The following TAB2 variants were observed in gnomAD, a reference collection of about 807,000 sequenced individuals.
TAB2 encodes TGF-beta-activated kinase 1 and MAP3K7-binding protein 2.
In TAB2, 3 loss-of-function variants were observed where a neutral mutation model predicts 65.0. The ratio of observed to expected loss-of-function variants is 0.05; its 90% CI spans 0.02 to 0.12. TAB2 has a LOEUF of 0.12. TAB2 is among the 10% of genes least tolerant of loss of function. The pLI is 1.00. For missense variants in TAB2, 623 were observed against 840.3 expected (o/e 0.74, Z 3.20); for synonymous variants, 298 against 285.1 (o/e 1.05, Z -0.46).
chr6:149,374,449 C>T (rs1346858458), intron 2 of TAB2, among the ~76,000 whole-genome samples: 1 of 152,118 alleles, frequency 6.6e-6, no homozygotes, highest in Non-Finnish European at 1.5e-5. Context: ...TGTCAAACTC[C>T]TGGGCCCAGC....
At chr6:149,235,654 G>A (rs9390661) in intron 1 of TAB2, among the ~76,000 whole-genome samples, 45 of 152,218 alleles carry the variant, frequency 3.0e-4, no homozygotes, top group African/African-American at 1.0e-3. Context: ...AGAAAGCCTT[G>A]ATATCAGGAA....
chr6:149,368,266 A>G (rs1781103460), intron 1 of TAB2, among the ~76,000 whole-genome samples: 1 of 152,196 alleles, frequency 6.6e-6, no homozygotes, highest in African/African-American at 2.4e-5. Context: ...GTCCTGAGCT[A>G]CAGAGAGATC....
chr6:149,389,812 A>AT (rs1422667902), intron 3 of TAB2, among the ~76,000 whole-genome samples: 1 of 152,204 alleles, frequency 6.6e-6, no homozygotes, highest in Non-Finnish European at 1.5e-5. Context: ...ATGCTGTAAG[A>AT]TTACATGCAG....
At chr6:149,252,330 C>T (rs1271329585) in intron 1 of TAB2, among the ~76,000 whole-genome samples, 2 of 149,868 alleles carry the variant, frequency 1.3e-5, no homozygotes, top group Non-Finnish European at 3.0e-5. Flanking sequence ...CTCTTGAACC[C>T]GGGAGGCTGC....
chr6:149,219,827 A>G (rs1777101427), intron 1 of TAB2, among the ~76,000 whole-genome samples: 1 of 152,198 alleles, frequency 6.6e-6, no homozygotes, highest in African/African-American at 2.4e-5. Context: ...AGAGACCCTT[A>G]CCGTACTCTG....
rs1000979178 is a variant in TAB2 at position 149,369,933 on chromosome 6, G to A, written c.-65G>A. 3 of 1,353,710 alleles carry A rather than the reference G, an allele frequency of 2.2e-6. No homozygotes were observed. Among genetic ancestry groups the A allele is most frequent in the African/African-American group, 2.9e-5 (2 of 69,756 alleles). The allele number at this position is 1,353,710 out of a possible 1,614,324, so 83.9% of individuals were successfully genotyped here. A position where few individuals can be genotyped will look rare whatever the true frequency, so the allele number is the denominator to read the frequency against. ...GAAAATGCTTGGACAGAAGAGATGA[G>A]TACTATTTCCACTAAGGCCTAGAAT... On this transcript the variant is annotated 5_prime_UTR_variant, in exon 2 of 7. Transcript: ENST00000637181.
At chr6:149,408,692 C>T (rs1408542566) in intron 6 of TAB2, among the ~76,000 whole-genome samples, 1 of 152,124 alleles carries the variant, frequency 6.6e-6, no homozygotes, top group African/African-American at 2.4e-5. Flanking sequence ...GTTCTAATTT[C>T]ATTATGGGAC....
rs576469603 is a variant in TAB2, at chr6:149,264,821, T to C, written c.-121+46045T>C. On this transcript the variant is annotated intron_variant, in intron 1 of 1. Transcript: ENST00000606202. ...AAGCCACAGCGGAAAACAGCAAAGA[T>C]CAAAGGGAGCAGATGAAGTACCGGC... Among the ~76,000 whole-genome samples, 71 of 152,246 alleles carry C rather than the reference T, an allele frequency of 4.7e-4. No homozygotes were observed. In the South Asian group the frequency reaches 0.015, roughly 32 times the overall value.
At chr6:149,364,606 C>T (rs1169592683) in intron 1 of TAB2, among the ~76,000 whole-genome samples, 1 of 151,438 alleles carries the variant, frequency 6.6e-6, no homozygotes, top group Admixed American at 6.6e-5. Context: ...AATACTTGTA[C>T]TATCTCCAGC....
rs1446287327 is a variant in TAB2, at chr6:149,378,006, T to C, written c.103-12T>C. 9 of 1,609,770 alleles carry C rather than the reference T, an allele frequency of 5.6e-6. No individual in the cohort carries two copies. Among genetic ancestry groups the C allele is most frequent in the Non-Finnish European group, 7.6e-6 (9 of 1,176,678 alleles). On this transcript the variant is annotated splice_polypyrimidine_tract_variant and intron_variant, in intron 2 of 6. Coordinates refer to ENST00000637181, the MANE Select transcript of TAB2 (RefSeq NM_001292034.3). ...GATTGTTAACATCAATCAATTTATT[T>C]TGTTTTCATAGAATAATAATAACCT...
chr6:149,301,630 A>G (rs748376035), intron 1 of TAB2, among the ~76,000 whole-genome samples: 1 of 152,166 alleles, frequency 6.6e-6, no homozygotes, highest in Non-Finnish European at 1.5e-5. Context: ...TGTTTGTTTC[A>G]TTTATGTAAA....
At chr6:149,381,606 C>T (rs935150064) in intron 3 of TAB2, among the ~76,000 whole-genome samples, 5 of 136,394 alleles carry the variant, frequency 3.7e-5, no homozygotes, top group Non-Finnish European at 7.7e-5. Flanking sequence ...CAGGGTCTCG[C>T]TCTTTCGTCC....
At chr6:149,225,017 A>G (rs1028919306) in intron 1 of TAB2, among the ~76,000 whole-genome samples, 1 of 152,206 alleles carries the variant, frequency 6.6e-6, no homozygotes, top group Non-Finnish European at 1.5e-5. Context: ...AAAATTTCTT[A>G]TAATACTTTT....
At chr6:149,381,264 A>G (rs974547091) in intron 3 of TAB2, among the ~76,000 whole-genome samples, 1 of 152,128 alleles carries the variant, frequency 6.6e-6, no homozygotes, top group Non-Finnish European at 1.5e-5. Context: ...AACTACAACC[A>G]TTTTTGTTTA....
In TAB2 at chr6:149,397,831, AAT is replaced by A. The variant is rs559432249; in HGVS notation, c.1764+70_1764+71del. 1.7e-5 allele frequency: 27 copies of A among 1,592,958 alleles called. No individual in the cohort carries two copies. In the African/African-American group the frequency reaches 3.6e-4, roughly 21 times the overall value. Reference sequence around the variant, plus strand: ...AGAGTAGGCCATCTAACATAAGTGTAATATCTCTATCTAGTTTTCTTCAGATG... The same window carrying A: ...AGAGTAGGCCATCTAACATAAGTGTAATCTCTATCTAGTTTTCTTCAGATG... On this transcript the variant is annotated intron_variant, in intron 4 of 6. Coordinates refer to ENST00000637181, the MANE Select transcript of TAB2 (RefSeq NM_001292034.3).
intron 1 of TAB2, among the ~76,000 whole-genome samples, chr6:149,253,924 A>AAGAAAGAAAGAAAGAAAG (rs1300156204): frequency 4.4e-4 from 59 of 135,062 alleles, no homozygotes; most frequent in African/African-American, 1.3e-3. Flanking sequence ...TCCATCTCGA[A>AAGAAAGAAAGAAAGAAAG]AGAAAGAAAG....
At chr6:149,224,835 C>T (rs924137015) in intron 1 of TAB2, among the ~76,000 whole-genome samples, 1 of 152,258 alleles carries the variant, frequency 6.6e-6, no homozygotes, top group African/African-American at 2.4e-5. Flanking sequence ...GAAAAATAAA[C>T]GGAGAACTGA....
chr6:149,284,693 CAA>C (rs1491126234), intron 1 of TAB2, among the ~76,000 whole-genome samples: 8 of 138,962 alleles, frequency 5.8e-5, no homozygotes, highest in Non-Finnish European at 7.8e-5. Flanking sequence ...CACACACACA[CAA>C]GAATATAAAC....
chr6:149,288,550 T>C (rs1373005155), intron 1 of TAB2, among the ~76,000 whole-genome samples: 1 of 152,116 alleles, frequency 6.6e-6, no homozygotes, highest in African/African-American at 2.4e-5. Context: ...CCCCAAAACC[T>C]CACCAACCCC....
Sources: allele counts gnomAD v4.1 joint callset (sites outside exome capture counted in the v4.1 genomes callset), GRCh38; gene constraint gnomAD v4.1.1; transcripts MANE v1.5; gene names NCBI Gene and HGNC (gene_info 2026-07-23, HGNC 2026-07-21).